The following ATP8A2 variants were observed in gnomAD, a reference collection of about 807,000 sequenced individuals.
ATP8A2 encodes ATPase phospholipid transporting 8A2.
Under a neutral mutation model 165.6 loss-of-function variants are expected in ATP8A2, and 100 were observed. The ratio of observed to expected loss-of-function variants is 0.60; its 90% confidence interval spans 0.51 to 0.71. The LOEUF (loss-of-function observed/expected upper bound fraction) is 0.71, where lower values mean the gene tolerates loss of function less well. ATP8A2 is among the 30% of genes least tolerant of loss of function. The pLI is 0.00. For missense variants in ATP8A2, 1,227 were observed against 1,479.5 expected, an observed-to-expected ratio of 0.83 and a Z score of 2.80; for synonymous variants, 543 against 548.8, an observed-to-expected ratio of 0.99 and a Z score of 0.15.
chr13:25,699,172 G>A lies in ATP8A2; in HGVS notation c.2212-1G>A. 1 of 1,540,894 alleles carries A rather than the reference G, an allele frequency of 6.5e-7. No homozygotes were observed. Among genetic ancestry groups the A allele is most frequent in the Non-Finnish European group, 8.8e-7 (1 of 1,141,114 alleles). On this transcript the variant is annotated splice_acceptor_variant, in intron 24 of 36. Transcript: ENST00000381655. LOFTEE classifies it high-confidence loss of function. ...GATTTTCCCCTATACTCTTGTTTCA[G>A]GCCACAAGGGCAGCCATTACTCAGC...
At chr13:25,527,541 T>C in intron 2 of ATP8A2, among the ~76,000 whole-genome samples, 1 of 152,230 alleles carries the variant, frequency 6.6e-6, no homozygotes, top group Non-Finnish European at 1.5e-5. Context: ...ATTTTGGCAA[T>C]TATTTTAATG....
At chr13:25,445,129 TA>T (rs2035035044) in intron 1 of ATP8A2, among the ~76,000 whole-genome samples, 1 of 152,256 alleles carries the variant, frequency 6.6e-6, no homozygotes, top group Non-Finnish European at 1.5e-5. Flanking sequence ...CTCTTACTAA[TA>T]CCTTTCAATA....
chr13:25,551,946 G>A (rs1275314316), intron 11 of ATP8A2, among the ~76,000 whole-genome samples: 1 of 151,936 alleles, frequency 6.6e-6, no homozygotes, highest in Non-Finnish European at 1.5e-5. Context: ...GTCTCTTAAA[G>A]AAGCTAAAGG....
chr13:25,758,383 A>G (rs2044308637), intron 25 of ATP8A2, among the ~76,000 whole-genome samples: 1 of 152,234 alleles, frequency 6.6e-6, no homozygotes, highest in African/African-American at 2.4e-5. Context: ...GGAGTAAAAC[A>G]AGTCCCTAAC....
At position 25,609,150 on chromosome 13, in the gene ATP8A2, C is replaced by T. The variant is rs113574891; in HGVS notation, c.2211+19451C>T. 1.2e-3 allele frequency among the ~76,000 whole-genome samples: 180 copies of T among 151,720 alleles called. 3 individuals carry two copies. The highest frequency in any genetic ancestry group is 4.0e-3 in the African/African-American group (167 of 41,362). On this transcript the variant is annotated intron_variant, in intron 24 of 36. Transcript: ENST00000381655. ...AAAGAGCAAGAGAAGATCAACAAAA[C>T]CAATAGTAAGATTCTTCAAAAAAAC...
At chr13:25,846,381 G>T (rs1231361710) in intron 30 of ATP8A2, among the ~76,000 whole-genome samples, 1 of 152,166 alleles carries the variant, frequency 6.6e-6, no homozygotes, top group African/African-American at 2.4e-5. Context: ...AACCTGGGCT[G>T]AGCTTTAAGG....
chr13:25,488,323 G>C (rs183823753), intron 2 of ATP8A2, among the ~76,000 whole-genome samples: 105 of 152,220 alleles, frequency 6.9e-4, no homozygotes, highest in Non-Finnish European at 2.2e-4. Flanking sequence ...ACAACTCCCT[G>C]TTCTTCCTCC....
intron 24 of ATP8A2, among the ~76,000 whole-genome samples, chr13:25,628,130 G>A (rs2041149789): frequency 6.6e-6 from 1 of 152,160 alleles, no homozygotes; most frequent in South Asian, 2.1e-4. Flanking sequence ...CACAAAGCCT[G>A]ACTGGACACT....
intron 1 of ATP8A2, among the ~76,000 whole-genome samples, chr13:25,398,921 AT>A (rs1257298244): frequency 2.6e-5 from 4 of 151,800 alleles, no homozygotes; most frequent in African/African-American, 7.3e-5. Flanking sequence ...TGAAAAAAAA[AT>A]AATACAGGTG....
At chr13:25,382,470 G>T (rs770882685) in intron 1 of ATP8A2, among the ~76,000 whole-genome samples, 32 of 152,188 alleles carry the variant, frequency 2.1e-4, no homozygotes, top group Non-Finnish European at 3.7e-4. Context: ...TTGCTGGTTT[G>T]TATGCTAAGA....
intron 36 of ATP8A2, among the ~76,000 whole-genome samples, chr13:26,014,064 A>G (rs995745712): frequency 7.9e-5 from 12 of 152,148 alleles, no homozygotes; most frequent in African/African-American, 2.9e-4. Flanking sequence ...TCTGGCCCAA[A>G]AGAGAGGTAA....
At chr13:25,579,280 A>G (rs939868557) in intron 21 of ATP8A2, among the ~76,000 whole-genome samples, 2 of 152,224 alleles carry the variant, frequency 1.3e-5, no homozygotes, top group Non-Finnish European at 1.5e-5. Flanking sequence ...CTGGAAGGCT[A>G]TAAACAACAC....
intron 36 of ATP8A2, among the ~76,000 whole-genome samples, chr13:26,017,297 A>C (rs1957000325): frequency 6.6e-6 from 1 of 152,178 alleles, no homozygotes; most frequent in Non-Finnish European, 1.5e-5. Context: ...ATGACTTCAG[A>C]TGTGGACTAG....
chr13:25,605,689 G>C (rs188521861), intron 24 of ATP8A2, among the ~76,000 whole-genome samples: 5 of 151,676 alleles, frequency 3.3e-5, no homozygotes, highest in Admixed American at 6.5e-5. Flanking sequence ...AGCTGAGATT[G>C]TATCTCTAGA....
chr13:25,721,369 G>T (rs762447819), intron 25 of ATP8A2, among the ~76,000 whole-genome samples: 13 of 152,108 alleles, frequency 8.5e-5, no homozygotes, highest in Non-Finnish European at 1.5e-5. Flanking sequence ...GAGAAAGCTT[G>T]TGTTTGTCTG....
intron 24 of ATP8A2, among the ~76,000 whole-genome samples, chr13:25,654,171 A>G (rs1167081375): frequency 2.0e-5 from 3 of 152,140 alleles, no homozygotes; most frequent in Admixed American, 2.0e-4. Flanking sequence ...AGTTGCTTCT[A>G]AGGACGGTAG....
chr13:25,733,882 G>A (rs2043709324), intron 25 of ATP8A2, among the ~76,000 whole-genome samples: 1 of 152,040 alleles, frequency 6.6e-6, no homozygotes, highest in Non-Finnish European at 1.5e-5. Flanking sequence ...ACCCTTTGAT[G>A]TCAGCACCTT....
chr13:25,949,478 C>T (rs764670613), intron 33 of ATP8A2, among the ~76,000 whole-genome samples: 4 of 152,254 alleles, frequency 2.6e-5, no homozygotes, highest in Non-Finnish European at 5.9e-5. Context: ...TATGTCAGCA[C>T]AGTGCCTCTC....
intron 1 of ATP8A2, among the ~76,000 whole-genome samples, chr13:25,440,138 G>GCT (rs962632083): frequency 6.6e-6 from 1 of 151,916 alleles, no homozygotes; most frequent in African/African-American, 2.4e-5. Flanking sequence ...AGCAGAAAGA[G>GCT]CTCTACACAG....
Sources: allele counts gnomAD v4.1 joint callset (sites outside exome capture counted in the v4.1 genomes callset), GRCh38; gene constraint gnomAD v4.1.1; transcripts MANE v1.5; gene names NCBI Gene and HGNC (gene_info 2026-07-23, HGNC 2026-07-21).